Variants in PRELID2 observed in about 807,000 individuals in gnomAD.
PRELID2 encodes the protein PRELI domain-containing protein 2.
A neutral mutation model predicts 28.4 loss-of-function variants in PRELID2; 25 were observed. The observed-to-expected ratio is 0.88, with a 90% CI of 0.64 to 1.23. The LOEUF (loss-of-function observed/expected upper bound fraction) is 1.23. PRELID2 is among the 50% of genes most tolerant of loss of function. The probability of loss-of-function intolerance (pLI) is 0.00; values close to 1 mark genes in which losing one functional copy is unlikely to be tolerated. For synonymous variants in PRELID2, 76 were observed against 71.6 expected, an observed-to-expected ratio of 1.06 and a Z score of -0.31; for missense variants, 201 against 214.4, an observed-to-expected ratio of 0.94 and a Z score of 0.39.
the PRELID2 span, among the ~76,000 whole-genome samples, chr5:145,309,302 C>T: frequency 9.9e-5 from 15 of 152,112 alleles, no homozygotes; most frequent in South Asian, 6.2e-4. Context: ...ATTGTTAAGA[C>T]GAGATCTGGG....
At chr5:145,418,025 G>A in the PRELID2 span, among the ~76,000 whole-genome samples, 3 of 152,106 alleles carry the variant, frequency 2.0e-5, no homozygotes, top group African/African-American at 7.2e-5. Flanking sequence ...TTCTTAAGCT[G>A]AGAAAAGCAA....
At chr5:145,797,639 G>A (rs1752854542) in intron 4 of PRELID2, among the ~76,000 whole-genome samples, 1 of 152,164 alleles carries the variant, frequency 6.6e-6, no homozygotes, top group African/African-American at 2.4e-5. Flanking sequence ...CTCTGTGACT[G>A]GGAAATTACA....
intron 1 of PRELID2, among the ~76,000 whole-genome samples, chr5:145,484,783 G>A (rs1580954544): frequency 6.6e-6 from 1 of 152,220 alleles, no homozygotes; most frequent in Non-Finnish European, 1.5e-5. Context: ...TTCACTTAAT[G>A]TTCATTATCT....
the PRELID2 span, among the ~76,000 whole-genome samples, chr5:145,247,094 C>T: frequency 6.6e-6 from 1 of 152,130 alleles, no homozygotes; most frequent in South Asian, 2.1e-4. Context: ...AGACTCTTCA[C>T]TCAGTGAATC....
At chr5:145,688,447 T>C (rs1755079861) in intron 1 of PRELID2, among the ~76,000 whole-genome samples, 1 of 152,184 alleles carries the variant, frequency 6.6e-6, no homozygotes, top group African/African-American at 2.4e-5. Flanking sequence ...TTCAGCTACC[T>C]ATTGAGTTCT....
At chr5:145,747,641 A>T in intron 1 of PRELID2, among the ~76,000 whole-genome samples, 1 of 152,128 alleles carries the variant, frequency 6.6e-6, no homozygotes, top group East Asian at 1.9e-4. Flanking sequence ...ATTCCAAACA[A>T]TAAAAAACAC....
intron 1 of PRELID2, among the ~76,000 whole-genome samples, chr5:145,483,170 G>T (rs1266889313): frequency 2.0e-5 from 3 of 152,090 alleles, no homozygotes; most frequent in African/African-American, 7.2e-5. Flanking sequence ...CACCCTGTAC[G>T]ATGTGACTTT....
chr5:145,481,645 A>AAAAAAAAG (rs1752162258), intron 1 of PRELID2, among the ~76,000 whole-genome samples: 1 of 146,490 alleles, frequency 6.8e-6, no homozygotes, highest in Non-Finnish European at 1.5e-5. Context: ...AAAAAAAAAA[A>AAAAAAAAG]AAAAAAAAGA....
At chr5:145,278,435 T>C in the PRELID2 span, among the ~76,000 whole-genome samples, 1 of 152,258 alleles carries the variant, frequency 6.6e-6, no homozygotes, top group Non-Finnish European at 1.5e-5. Context: ...TTGGCAGGAT[T>C]CAATTCCTTG....
chr5:145,522,778 G>A (rs1045190816), intron 1 of PRELID2, among the ~76,000 whole-genome samples: 1 of 151,414 alleles, frequency 6.6e-6, no homozygotes, highest in Non-Finnish European at 1.5e-5. Flanking sequence ...GGAGGAGGAG[G>A]AAGAGAAGGA....
chr5:145,499,423 A>G (rs2126632677), intron 1 of PRELID2, among the ~76,000 whole-genome samples: 1 of 152,204 alleles, frequency 6.6e-6, no homozygotes, highest in African/African-American at 2.4e-5. Context: ...TTTGATGATG[A>G]ATATGATTCT....
intron 1 of PRELID2, among the ~76,000 whole-genome samples, chr5:145,540,670 T>A (rs1469992365): frequency 6.6e-6 from 1 of 150,808 alleles, no homozygotes; most frequent in Non-Finnish European, 1.5e-5. Flanking sequence ...GACCCATTTT[T>A]TCTAAGAAGT....
intron 1 of PRELID2, among the ~76,000 whole-genome samples, chr5:145,715,356 CT>C (rs1372693065): frequency 1.3e-5 from 2 of 152,130 alleles, no homozygotes; most frequent in African/African-American, 4.8e-5. Context: ...GCCATTTCTC[CT>C]CTTTACTTCT....
chr5:145,516,696 A>G (rs1480171039), intron 1 of PRELID2, among the ~76,000 whole-genome samples: 2 of 152,214 alleles, frequency 1.3e-5, no homozygotes, highest in African/African-American at 4.8e-5. Context: ...CTTAAGCAAT[A>G]AGAATAAAGC....
At chr5:145,615,031 GCTGT>G (rs1038473037) in intron 1 of PRELID2, among the ~76,000 whole-genome samples, 4 of 152,058 alleles carry the variant, frequency 2.6e-5, no homozygotes, top group Non-Finnish European at 4.4e-5. Context: ...TTATTGTGTT[GCTGT>G]CTGTTTCATT....
intron 1 of PRELID2, among the ~76,000 whole-genome samples, chr5:145,515,167 G>A (rs1362064237): frequency 2.6e-5 from 4 of 151,986 alleles, no homozygotes; most frequent in African/African-American, 9.7e-5. Context: ...GAACAGAACT[G>A]AAGGAGATAG....
the PRELID2 span, among the ~76,000 whole-genome samples, chr5:145,377,738 G>A: frequency 1.5e-4 from 23 of 152,190 alleles, no homozygotes; most frequent in African/African-American, 4.1e-4. Flanking sequence ...GCCCATGTGT[G>A]TCATTTCACC....
chr5:145,341,909 A>T, the PRELID2 span, among the ~76,000 whole-genome samples: 3 of 152,230 alleles, frequency 2.0e-5, no homozygotes, highest in African/African-American at 7.2e-5. Context: ...TGGCTCAGCA[A>T]TCCCCATGCA....
chr5:145,605,811 T>C (rs62394192), intron 1 of PRELID2, among the ~76,000 whole-genome samples: 21,539 of 152,032 alleles, frequency 0.14, 2,282 homozygotes, highest in African/African-American at 0.27. Context: ...AAGAATGTCA[T>C]TGATAGTTTA....
Sources: allele counts gnomAD v4.1 joint callset (sites outside exome capture counted in the v4.1 genomes callset), GRCh38; gene constraint gnomAD v4.1.1; transcripts MANE v1.5; gene names NCBI Gene and HGNC (gene_info 2026-07-23, HGNC 2026-07-21).